Variants in CNTN5 observed in about 807,000 individuals in gnomAD.
CNTN5 encodes the protein contactin 5, also known as contactin-5.
A neutral mutation model predicts 129.1 loss-of-function variants in CNTN5; 77 were observed. The observed-to-expected ratio is 0.60, with a 90% CI of 0.50 to 0.72. The LOEUF is 0.72. Ranked by LOEUF, CNTN5 falls within the 30% of genes least tolerant of loss-of-function variation. CNTN5 has a pLI of 0.00. For missense variants in CNTN5, 1,478 were observed against 1,328.8 expected (o/e 1.11, Z -1.75); for synonymous variants, 509 against 465.6 (o/e 1.09, Z -1.20).
intron 3 of CNTN5, among the ~76,000 whole-genome samples, chr11:99,726,567 AG>A (rs1943347173): frequency 6.6e-6 from 1 of 152,242 alleles, no homozygotes; most frequent in African/African-American, 2.4e-5. Flanking sequence ...TTCTTACTTC[AG>A]GCAATATTCT....
intron 3 of CNTN5, among the ~76,000 whole-genome samples, chr11:99,762,484 G>A (rs1033721344): frequency 6.6e-6 from 1 of 151,800 alleles, no homozygotes; most frequent in Non-Finnish European, 1.5e-5. Context: ...TTCTCCATAT[G>A]GCTAGCCAAT....
intron 1 of CNTN5, among the ~76,000 whole-genome samples, chr11:99,179,510 A>G: frequency 6.6e-6 from 1 of 152,302 alleles, no homozygotes; most frequent in South Asian, 2.1e-4. Context: ...AAAGAAATTT[A>G]ACTAGTTTTA....
At chr11:99,690,119 A>AG (rs1953977608) in intron 3 of CNTN5, among the ~76,000 whole-genome samples, 1 of 152,144 alleles carries the variant, frequency 6.6e-6, no homozygotes, top group Non-Finnish European at 1.5e-5. Flanking sequence ...GGTGTAAGGA[A>AG]GGGGTCCAAT....
chr11:99,515,949 GAA>G (rs35512504), intron 2 of CNTN5, among the ~76,000 whole-genome samples: 3,033 of 143,838 alleles, frequency 0.021, 138 homozygotes, highest in East Asian at 0.13. Flanking sequence ...ATAATTTTAT[GAA>G]AAAAAAAAAA....
chr11:99,636,452 C>A (rs1285302904), intron 3 of CNTN5, among the ~76,000 whole-genome samples: 1 of 151,594 alleles, frequency 6.6e-6, no homozygotes, highest in Non-Finnish European at 1.5e-5. Flanking sequence ...CTGTTCTGGC[C>A]TATCAGTGTT....
chr11:100,212,479 A>G (rs1036709369), intron 15 of CNTN5, among the ~76,000 whole-genome samples: 5 of 152,172 alleles, frequency 3.3e-5, no homozygotes, highest in Admixed American at 1.3e-4. Flanking sequence ...TTTAATTTAA[A>G]TGGGTGCTGC....
At chr11:100,094,380 T>C (rs964671539) in intron 13 of CNTN5, among the ~76,000 whole-genome samples, 2 of 152,168 alleles carry the variant, frequency 1.3e-5, no homozygotes, top group African/African-American at 4.8e-5. Flanking sequence ...TCCGTCTGCC[T>C]CTCTCACATC....
chr11:100,010,328 A>G (rs1031247270), intron 9 of CNTN5, among the ~76,000 whole-genome samples: 12 of 152,036 alleles, frequency 7.9e-5, no homozygotes, highest in African/African-American at 1.5e-4. Context: ...TAAGGGGGGA[A>G]AAAAAGAATT....
intron 2 of CNTN5, among the ~76,000 whole-genome samples, chr11:99,512,399 G>A (rs1387764302): frequency 1.3e-5 from 2 of 152,104 alleles, no homozygotes; most frequent in Admixed American, 1.3e-4. Context: ...TATTTATGAT[G>A]TTTTCACAAG....
chr11:99,709,705 AAAT>A (rs1954893944), intron 3 of CNTN5, among the ~76,000 whole-genome samples: 1 of 151,826 alleles, frequency 6.6e-6, no homozygotes, highest in African/African-American at 2.4e-5. Flanking sequence ...TGTTTTGGGT[AAAT>A]TTTAATAGAA....
chr11:100,262,810 G>A (rs138729137), intron 17 of CNTN5, among the ~76,000 whole-genome samples: 2 of 152,162 alleles, frequency 1.3e-5, no homozygotes, highest in African/African-American at 4.8e-5. Flanking sequence ...CCTAGGGGAG[G>A]AATAGCATTA....
At chr11:100,091,161 G>A (rs751448036) in intron 13 of CNTN5, among the ~76,000 whole-genome samples, 1 of 151,832 alleles carries the variant, frequency 6.6e-6, no homozygotes, top group East Asian at 1.9e-4. Context: ...CTCCCTGTTC[G>A]GTGCATGCAG....
chr11:99,104,969 T>C (rs943057193), intron 1 of CNTN5, among the ~76,000 whole-genome samples: 4 of 152,172 alleles, frequency 2.6e-5, no homozygotes, highest in African/African-American at 9.6e-5. Context: ...AGTGGTAAAA[T>C]TGCCCTCTGT....
chr11:99,371,312 A>T (rs193121926), intron 2 of CNTN5, among the ~76,000 whole-genome samples: 6 of 152,152 alleles, frequency 3.9e-5, no homozygotes, highest in Non-Finnish European at 8.8e-5. Context: ...AAAAATATAT[A>T]CATATACTAT....
intron 3 of CNTN5, among the ~76,000 whole-genome samples, chr11:99,655,759 G>A (rs575030732): frequency 1.3e-5 from 2 of 151,822 alleles, no homozygotes; most frequent in South Asian, 2.1e-4. Flanking sequence ...ATGTATATAC[G>A]CACACACATA....
At chr11:99,384,322 G>T (rs1406726302) in intron 2 of CNTN5, among the ~76,000 whole-genome samples, 1 of 152,070 alleles carries the variant, frequency 6.6e-6, no homozygotes, top group Admixed American at 6.5e-5. Flanking sequence ...AACAATTTGG[G>T]CAAACTGGTT....
At chr11:100,261,986 G>A (rs1299585930) in intron 17 of CNTN5, among the ~76,000 whole-genome samples, 1 of 152,150 alleles carries the variant, frequency 6.6e-6, no homozygotes, top group African/African-American at 2.4e-5. Context: ...CACAGTGAAA[G>A]AAACTATCAT....
intron 3 of CNTN5, among the ~76,000 whole-genome samples, chr11:99,814,447 T>C (rs1487342922): frequency 6.6e-6 from 1 of 152,222 alleles, no homozygotes; most frequent in Non-Finnish European, 1.5e-5. Flanking sequence ...GTAGTGTTTC[T>C]TGGAATCTCA....
At chr11:99,541,859 G>C (rs1189928250) in intron 2 of CNTN5, among the ~76,000 whole-genome samples, 1 of 151,256 alleles carries the variant, frequency 6.6e-6, no homozygotes, top group East Asian at 1.9e-4. Flanking sequence ...TGAGGTTGTG[G>C]GAGAGCTTGA....
Sources: gnomAD v4.1 joint callset for allele counts (sites outside exome capture counted in the v4.1 genomes callset) on GRCh38, gnomAD v4.1.1 for gene constraint, MANE v1.5 for transcripts, NCBI Gene and HGNC (gene_info 2026-07-23, HGNC 2026-07-21) for gene names.